The following RNF214 variants were observed in gnomAD, a reference collection of about 807,000 sequenced individuals.
The protein encoded by RNF214 is ring finger protein 214.
In RNF214, 25 loss-of-function variants were observed where a neutral mutation model predicts 75.9. The ratio of observed to expected loss-of-function variants is 0.33; its 90% CI spans 0.24 to 0.46. RNF214 has a LOEUF of 0.46. RNF214 is among the 20% of genes least tolerant of loss of function. The pLI is 1.00. For synonymous variants in RNF214, 314 were observed against 308.8 expected (o/e 1.02, Z -0.18); for missense variants, 725 against 857.5 (o/e 0.85, Z 1.93).
intron 6 of RNF214, among the ~76,000 whole-genome samples, chr11:117,267,195 C>T (rs1318873902): frequency 6.6e-6 from 1 of 151,992 alleles, no homozygotes; most frequent in East Asian, 1.9e-4. Context: ...TTGTGGCTTG[C>T]CCTTGCATTT....
intron 1 of RNF214, among the ~76,000 whole-genome samples, chr11:117,233,925 A>G (rs529085181): frequency 1.3e-5 from 2 of 152,246 alleles, no homozygotes; most frequent in African/African-American, 4.8e-5. Flanking sequence ...ATTAAAAATG[A>G]TAGCAGACAA....
At position 117,234,256 on chromosome 11, in the gene RNF214, T is replaced by C. The variant is rs1354968853; in HGVS notation, c.-6-11T>C. On this transcript the variant is annotated splice_polypyrimidine_tract_variant and intron_variant, in intron 1 of 14. Transcript: ENST00000300650. ...AAACTTGTAGCCTGTAATTTGTTTC[T>C]GAATGTACAGAGCATAATGGCAGCG... The C allele has an allele frequency of 1.7e-5, 27 of 1,598,916 alleles. No individual in the cohort carries two copies. The highest frequency in any genetic ancestry group is 2.1e-5 in the Non-Finnish European group (25 of 1,166,326).
chr11:117,232,820 G>T (rs890383572), intron 1 of RNF214, 94 bp downstream of exon 1: 3 of 151,062 alleles, frequency 2.0e-5, no homozygotes, highest in Non-Finnish European at 3.0e-5. Flanking sequence ...GGCGAGGGCC[G>T]GGCATGGGGG....
At chr11:117,270,978 C>T (rs1211908590) in intron 6 of RNF214, among the ~76,000 whole-genome samples, 1 of 152,160 alleles carries the variant, frequency 6.6e-6, no homozygotes, top group East Asian at 1.9e-4. Context: ...CTCACTGTAG[C>T]AGCCCCTGCC....
intron 6 of RNF214, among the ~76,000 whole-genome samples, chr11:117,277,171 T>G (rs1013124452): frequency 6.6e-6 from 1 of 151,580 alleles, no homozygotes; most frequent in South Asian, 2.1e-4. Context: ...GGCAAAACCC[T>G]GTTTCTACTA....
intron 6 of RNF214, among the ~76,000 whole-genome samples, chr11:117,254,011 T>C (rs1373151635): frequency 6.6e-6 from 1 of 152,152 alleles, no homozygotes; most frequent in Non-Finnish European, 1.5e-5. Context: ...CCCAGCACTT[T>C]GGGAGGCCGA....
intron 6 of RNF214, among the ~76,000 whole-genome samples, chr11:117,268,042 C>G (rs1039848172): frequency 6.6e-6 from 1 of 152,180 alleles, no homozygotes; most frequent in Non-Finnish European, 1.5e-5. Flanking sequence ...GTAGCCAAGC[C>G]AAGGTAACCC....
intron 6 of RNF214, among the ~76,000 whole-genome samples, chr11:117,255,345 A>G (rs1176949248): frequency 6.6e-6 from 1 of 152,176 alleles, no homozygotes; most frequent in Non-Finnish European, 1.5e-5. Context: ...ATTTCTCCAT[A>G]GATGACTCCA....
chr11:117,279,960 A>G lies in RNF214; in HGVS notation c.1012A>G (p.Asn338Asp). ...ACTCAAGAATCAGGATGGCGAAATAAATAGGAACATTATGGAAGAGACTGA... is the reference window on the plus strand; with the variant it reads ...ACTCAAGAATCAGGATGGCGAAATAGATAGGAACATTATGGAAGAGACTGA... ...DRLKNQDGEI[N>D]RNIMEETERA... The change falls in exon 7 of 15, where the codon AAT becomes GAT. Residue 338 changes from asparagine (N) to aspartate (D), a missense_variant. Coordinates refer to ENST00000300650, the MANE Select transcript of RNF214 (RefSeq NM_207343.4). 6.2e-7 allele frequency: 1 copy of G among 1,613,714 alleles called. No homozygotes were observed. The highest frequency in any genetic ancestry group is 8.5e-7 in the Non-Finnish European group (1 of 1,179,890).
intron 6 of RNF214, among the ~76,000 whole-genome samples, chr11:117,261,643 T>G (rs2033663921): frequency 6.6e-6 from 1 of 152,132 alleles, no homozygotes; most frequent in Non-Finnish European, 1.5e-5. Context: ...TTTATTTTAT[T>G]TAATTAATTT....
At chr11:117,249,307 C>G in intron 6 of RNF214, among the ~76,000 whole-genome samples, 1 of 152,074 alleles carries the variant, frequency 6.6e-6, no homozygotes, top group South Asian at 2.1e-4. Context: ...AACTCTACTA[C>G]CTTTTCCATC....
At chr11:117,237,560 G>A (rs555174180) in intron 2 of RNF214, among the ~76,000 whole-genome samples, 2 of 152,162 alleles carry the variant, frequency 1.3e-5, no homozygotes, top group East Asian at 1.9e-4. Flanking sequence ...TGAAAGATGT[G>A]CAATTGTGAA....
chr11:117,253,485 G>A (rs1468543119), intron 6 of RNF214, among the ~76,000 whole-genome samples: 1 of 152,098 alleles, frequency 6.6e-6, no homozygotes, highest in Admixed American at 6.6e-5. Flanking sequence ...CATTAGAAAG[G>A]TGAGGTTTCC....
Position 117,270,691 on chromosome 11 carries a change from A to G in RNF214, c.960-9217A>G, listed in dbSNP as rs538117626. ...TTGAACTCCTGACCTCAGGTGATCC[A>G]CCCGCCTTGGCCTCCCAAAGTGCTG... On this transcript the variant is annotated intron_variant, in intron 6 of 14. Coordinates refer to ENST00000300650, the MANE Select transcript of RNF214 (RefSeq NM_207343.4). Among the ~76,000 whole-genome samples the G allele has an allele frequency of 1.3e-4, 20 of 151,612 alleles. No individual in the cohort carries two copies. In the East Asian group the frequency reaches 3.7e-3, roughly 28 times the overall value.
intron 2 of RNF214, among the ~76,000 whole-genome samples, chr11:117,235,136 T>G (rs2032866452): frequency 6.6e-6 from 1 of 152,254 alleles, no homozygotes; most frequent in Non-Finnish European, 1.5e-5. Context: ...TTGTACATGT[T>G]CAGTACAGAT....
At chr11:117,277,927 T>C (rs1372415369) in intron 6 of RNF214, among the ~76,000 whole-genome samples, 2 of 150,662 alleles carry the variant, frequency 1.3e-5, no homozygotes, top group East Asian at 1.9e-4. Context: ...TGAGCCAAGA[T>C]TGTGTCACTG....
chr11:117,256,991 G>T (rs2033541622), intron 6 of RNF214, among the ~76,000 whole-genome samples: 1 of 152,196 alleles, frequency 6.6e-6, no homozygotes, highest in South Asian at 2.1e-4. Flanking sequence ...GAGAGACAGA[G>T]ACTGGGACAT....
At chr11:117,253,105 T>G (rs2033440384) in intron 6 of RNF214, among the ~76,000 whole-genome samples, 1 of 151,924 alleles carries the variant, frequency 6.6e-6, no homozygotes, top group Admixed American at 6.6e-5. Flanking sequence ...CTTGAACTCC[T>G]GAGCTCAAGC....
chr11:117,257,288 A>T (rs2033548441), intron 6 of RNF214, among the ~76,000 whole-genome samples: 1 of 152,086 alleles, frequency 6.6e-6, no homozygotes, highest in Non-Finnish European at 1.5e-5. Flanking sequence ...ATGAGCCATG[A>T]CTGTGCCACT....
Sources: allele counts gnomAD v4.1 joint callset (sites outside exome capture counted in the v4.1 genomes callset), GRCh38; gene constraint gnomAD v4.1.1; transcripts MANE v1.5; gene names NCBI Gene and HGNC (gene_info 2026-07-23, HGNC 2026-07-21).